VIRMA: variants seen among roughly 807,000 people sequenced by gnomAD.
VIRMA encodes protein virilizer homolog.
VIRMA carries 65 observed loss-of-function variants against 182.4 expected under a neutral mutation model. That is an observed-to-expected ratio of 0.36 (90% confidence interval 0.29 to 0.44). The LOEUF is 0.44. Among genes scored for constraint, VIRMA ranks in the 20% least tolerant of loss-of-function variants. The pLI is 1.00. For missense variants in VIRMA, 1,752 were observed against 2,158.1 expected, an observed-to-expected ratio of 0.81 and a Z score of 3.73; for synonymous variants, 709 against 743.1, an observed-to-expected ratio of 0.95 and a Z score of 0.75.
rs1190179773 is a variant in VIRMA at position 94,509,669 on chromosome 8, A to G, written c.3879+19T>C. On this transcript the variant is annotated intron_variant, in intron 15 of 23. Transcript: ENST00000297591. ...ACATACACATGCAGAGAGAGACTTT[A>G]TAAAATAACTATAAATACCTGATCA... 1.9e-6 allele frequency: 3 copies of G among 1,596,572 alleles called. No individual in the cohort carries two copies. Among genetic ancestry groups the G allele is most frequent in the South Asian group, 2.3e-5 (2 of 87,832 alleles).
At chr8:94,509,044 T>C (rs967892299) in intron 15 of VIRMA, among the ~76,000 whole-genome samples, 10 of 152,212 alleles carry the variant, frequency 6.6e-5, no homozygotes, top group African/African-American at 2.4e-4. Context: ...AAAAGTGTAG[T>C]AGCCTTCAAA....
chr8:94,517,737 G>C, intron 10 of VIRMA, 51 bp downstream of exon 10: 3 of 1,326,618 alleles, frequency 2.3e-6, no homozygotes, highest in Non-Finnish European at 2.1e-6. Flanking sequence ...ATATTCAAAG[G>C]TTTGTTCCTT....
rs1772268780 is a variant in VIRMA, at chr8:94,489,995, C to T, written c.5228G>A (p.Gly1743Asp). The change falls in exon 23 of 24, where the codon GGC (glycine) becomes GAC (aspartate). Residue 1743 changes from glycine to aspartate, a missense_variant. Physicochemically the swap from Gly to Asp is moderately conservative, Grantham distance 94. This residue lies in a region of VIRMA where 132 missense variants were observed against 173.8 expected (regional missense o/e 0.76). Coordinates refer to ENST00000297591, the MANE Select transcript of VIRMA (RefSeq NM_015496.5). ...PRGNYNESRG[G>D]QSNFNRGPLP... ...AGGGCCTCTGTTAAAATTGCTCTGG[C>T]CTCCACGACTTTCATTGTAATTTCC... 6.2e-7 allele frequency: 1 copy of T among 1,613,998 alleles called. No homozygotes were observed. Among genetic ancestry groups the T allele is most frequent in the Non-Finnish European group, 8.5e-7 (1 of 1,180,004 alleles).
intron 16 of VIRMA, among the ~76,000 whole-genome samples, chr8:94,500,335 G>T (rs1586068015): frequency 6.6e-6 from 1 of 152,310 alleles, no homozygotes; most frequent in African/African-American, 2.4e-5. Flanking sequence ...GGAGACGGAG[G>T]TTGCAGTGAG....
chr8:94,535,725 A>G (rs1257399597), intron 4 of VIRMA, among the ~76,000 whole-genome samples: 1 of 151,724 alleles, frequency 6.6e-6, no homozygotes, highest in Non-Finnish European at 1.5e-5. Flanking sequence ...GGCTGCAGTG[A>G]GCCAAGATTG....
intron 1 of VIRMA, chr8:94,546,911 T>C (rs547292415): frequency 4.6e-5 from 21 of 455,636 alleles, no homozygotes; most frequent in South Asian, 2.2e-4. Context: ...GGCTTCTTTA[T>C]TGCTCCAAAC....
chr8:94,548,719 G>A (rs559320040), intron 1 of VIRMA, among the ~76,000 whole-genome samples: 3 of 144,584 alleles, frequency 2.1e-5, no homozygotes, highest in Non-Finnish European at 2.9e-5. Context: ...GCAGTGGCAC[G>A]ATCTAGCCTC....
chr8:94,529,038 T>A, intron 7 of VIRMA, 32 bp downstream of exon 7: 2 of 1,606,564 alleles, frequency 1.2e-6, no homozygotes, highest in East Asian at 4.5e-5. Context: ...TTCTAGTACT[T>A]AAACCCCAAA....
At chr8:94,500,348 G>C (rs541930072) in intron 16 of VIRMA, among the ~76,000 whole-genome samples, 2 of 152,176 alleles carry the variant, frequency 1.3e-5, no homozygotes, top group Admixed American at 6.5e-5. Context: ...GCAGTGAGCC[G>C]AGATTGTGCC....
intron 22 of VIRMA, chr8:94,490,300 T>C: frequency 6.0e-6 from 3 of 503,632 alleles, no homozygotes; most frequent in African/African-American, 1.9e-5. Context: ...TGTATTTATG[T>C]GCCCTGGTCA....
chr8:94,506,392 T>C, intron 16 of VIRMA, 108 bp downstream of exon 16: 1 of 696,528 alleles, frequency 1.4e-6, no homozygotes, highest in Non-Finnish European at 2.3e-6. Flanking sequence ...ACGAAAGAAA[T>C]CATTTCTTCA....
rs755960033 is a variant in VIRMA, at chr8:94,491,792, T to C, written c.4926A>G (p.Arg1642=). The C allele has an allele frequency of 5.0e-6, 8 of 1,613,806 alleles. No individual in the cohort carries two copies. In the East Asian group the frequency reaches 1.6e-4, roughly 31 times the overall value. ...ATGGTGGTCTACTTGTGTTCTGTTT[T>C]CTCTGACGAAAAATATCATGAGGTC... ...GIRPHDIFRQ[R]KQNTSRPPSM... Residue 1642 remains arginine, a synonymous_variant, in exon 22 of 24, where the codon AGA becomes AGG. Coordinates refer to ENST00000297591, the MANE Select transcript of VIRMA (RefSeq NM_015496.5).
At chr8:94,508,956 A>C (rs1814258861) in intron 15 of VIRMA, among the ~76,000 whole-genome samples, 1 of 152,234 alleles carries the variant, frequency 6.6e-6, no homozygotes, top group African/African-American at 2.4e-5. Flanking sequence ...TATAAACTGG[A>C]AGTCAATAAT....
intron 1 of VIRMA, among the ~76,000 whole-genome samples, chr8:94,544,218 T>C (rs1356292551): frequency 6.6e-6 from 1 of 152,196 alleles, no homozygotes; most frequent in Non-Finnish European, 1.5e-5. Flanking sequence ...ATCTGAAATC[T>C]CTGGAGCCAA....
chr8:94,488,284 T>C lies in VIRMA; in HGVS notation c.*422A>G, dbSNP rs1458710497. ...TGTCCACAGTTACTAGTGGTGATGA[T>C]GTACATTCTTATTAAGCTGTTGGAT... is the stretch of plus-strand genomic sequence containing the variant. On this transcript the variant is annotated 3_prime_UTR_variant, in exon 24 of 24. Transcript: ENST00000297591. The C allele has an allele frequency of 1.3e-5, 2 of 156,876 alleles. No individual in the cohort carries two copies. The highest frequency in any genetic ancestry group is 1.9e-4 in the South Asian group (1 of 5,178). The allele number at this position is 156,876 out of a possible 1,614,324, so 9.7% of individuals were successfully genotyped here.
intron 15 of VIRMA, among the ~76,000 whole-genome samples, 175 bp from the exon 16 acceptor site, chr8:94,506,892 T>C (rs1814170161): frequency 6.6e-6 from 1 of 152,194 alleles, no homozygotes; most frequent in South Asian, 2.1e-4. Context: ...CTTTTCCCTT[T>C]TAAAAAAGTT....
chr8:94,519,875 T>C (rs1287992626), intron 8 of VIRMA, among the ~76,000 whole-genome samples: 1 of 152,132 alleles, frequency 6.6e-6, no homozygotes, highest in Admixed American at 6.6e-5. Context: ...CGCATCTGCA[T>C]TTGTGGATTA....
chr8:94,531,351 G>A (rs1815166239), intron 5 of VIRMA, among the ~76,000 whole-genome samples: 1 of 152,140 alleles, frequency 6.6e-6, no homozygotes, highest in Non-Finnish European at 1.5e-5. Context: ...CAATCCCCAA[G>A]TAGAACAAAG....
At chr8:94,516,365 G>T (rs1404526522) in intron 10 of VIRMA, among the ~76,000 whole-genome samples, 2 of 151,998 alleles carry the variant, frequency 1.3e-5, no homozygotes, top group Non-Finnish European at 2.9e-5. Context: ...AGCAAACTTT[G>T]TTTATAGAAT....
Sources: allele counts gnomAD v4.1 joint callset (sites outside exome capture counted in the v4.1 genomes callset), GRCh38; gene constraint gnomAD v4.1.1; regional missense constraint gnomAD v4.1.1; transcripts MANE v1.5; gene names NCBI Gene and HGNC (gene_info 2026-07-23, HGNC 2026-07-21).